Variants in TRIO observed in about 807,000 individuals in gnomAD.
TRIO encodes trio Rho guanine nucleotide exchange factor.
In TRIO, 58 loss-of-function variants were observed where a neutral mutation model predicts 351.9. The ratio of observed to expected loss-of-function variants is 0.16; its 90% CI spans 0.13 to 0.21. The LOEUF is 0.21. TRIO is among the 10% of genes least tolerant of loss of function. TRIO has a pLI of 1.00. For synonymous variants in TRIO, 1,758 were observed against 1,595.7 expected (o/e 1.10, Z -2.42); for missense variants, 3,201 against 4,027.8 (o/e 0.79, Z 5.56).
intron 8 of TRIO, among the ~76,000 whole-genome samples, chr5:14,305,442 C>G (rs1042957320): frequency 6.6e-6 from 1 of 152,188 alleles, no homozygotes; most frequent in African/African-American, 2.4e-5. Context: ...TGTGTCCTTA[C>G]TTTTCTGCAA....
chr5:14,157,302 G>T (rs1788155295), intron 1 of TRIO, among the ~76,000 whole-genome samples: 1 of 152,156 alleles, frequency 6.6e-6, no homozygotes, highest in Non-Finnish European at 1.5e-5. Flanking sequence ...TTTATGTGCA[G>T]TCAGTCCCAG....
chr5:14,323,552 G>C (rs1247647223), intron 9 of TRIO, among the ~76,000 whole-genome samples: 1 of 152,294 alleles, frequency 6.6e-6, no homozygotes, highest in Admixed American at 6.5e-5. Flanking sequence ...CTTTAGGAGG[G>C]AATCAATGGA....
rs114443980 is a variant in TRIO, at chr5:14,464,143, G to A, written c.5667+1218G>A. Among the ~76,000 whole-genome samples, 272 of 152,268 alleles carry A rather than the reference G, an allele frequency of 1.8e-3. 2 individuals carry two copies. The highest frequency in any genetic ancestry group is 6.3e-3 in the African/African-American group (262 of 41,562). On this transcript the variant is annotated intron_variant, in intron 36 of 56. Coordinates refer to ENST00000344204, the MANE Select transcript of TRIO (RefSeq NM_007118.4). ...AGCCCCCTACCCCACCCAGTACACAGGCTACCTGGCTAGGACATGGGGCTG... is the reference window on the plus strand; with the variant it reads ...AGCCCCCTACCCCACCCAGTACACAAGCTACCTGGCTAGGACATGGGGCTG...
chr5:14,458,900 A>C (rs569467662), intron 34 of TRIO, among the ~76,000 whole-genome samples: 1 of 152,374 alleles, frequency 6.6e-6, no homozygotes, highest in South Asian at 2.1e-4. Context: ...CACCGAAGGA[A>C]AGTGAGACTG....
intron 8 of TRIO, among the ~76,000 whole-genome samples, chr5:14,308,756 TCCAATTAC>T (rs1355860348): frequency 1.6e-4 from 19 of 119,272 alleles, no homozygotes; most frequent in Admixed American, 1.3e-3. Context: ...CATCCATCCA[TCCAATTAC>T]CCATCCATTC....
Position 14,502,668 on chromosome 5 carries a change from C to T in TRIO, c.8411+11C>T, listed in dbSNP as rs752676238. The T allele has an allele frequency of 6.2e-7, 1 of 1,614,020 alleles. No homozygotes were observed. Among genetic ancestry groups the T allele is most frequent in the East Asian group, 2.2e-5 (1 of 44,874 alleles). On this transcript the variant is annotated intron_variant, in intron 54 of 56. Coordinates refer to ENST00000344204, the MANE Select transcript of TRIO (RefSeq NM_007118.4). Reference sequence around the variant, plus strand: ...GGCTGAGCTTGGCAGGTATGATGCACAACCCAGAACGCCTTCCGAAAGAGC... The same window carrying T: ...GGCTGAGCTTGGCAGGTATGATGCATAACCCAGAACGCCTTCCGAAAGAGC...
At chr5:14,384,309 A>G (rs925565138) in intron 21 of TRIO, among the ~76,000 whole-genome samples, 12 of 152,232 alleles carry the variant, frequency 7.9e-5, no homozygotes. Context: ...ACTTTGTTAG[A>G]AAGTGTCTAA....
intron 54 of TRIO, among the ~76,000 whole-genome samples, chr5:14,504,131 G>A (rs1328181352): frequency 6.6e-6 from 1 of 152,240 alleles, no homozygotes; most frequent in Non-Finnish European, 1.5e-5. Flanking sequence ...TCCACCACAC[G>A]CAGTGCTGGG....
chr5:14,219,237 ATTT>A (rs144007605), intron 1 of TRIO, among the ~76,000 whole-genome samples: 38 of 151,218 alleles, frequency 2.5e-4, no homozygotes, highest in African/African-American at 7.3e-4. Flanking sequence ...TTTTTCTATA[ATTT>A]TTTTTTTTTG....
intron 1 of TRIO, among the ~76,000 whole-genome samples, chr5:14,169,745 A>C (rs1337093378): frequency 6.6e-6 from 1 of 152,236 alleles, no homozygotes; most frequent in Non-Finnish European, 1.5e-5. Context: ...TCACCCACTG[A>C]TGGATTCAAA....
chr5:14,447,207 G>C (rs1752502739), intron 34 of TRIO, among the ~76,000 whole-genome samples: 1 of 152,186 alleles, frequency 6.6e-6, no homozygotes, highest in South Asian at 2.1e-4. Context: ...ACTCCAGCCT[G>C]GGTGACACAG....
intron 1 of TRIO, among the ~76,000 whole-genome samples, chr5:14,250,852 A>G (rs968869448): frequency 2.0e-5 from 3 of 152,256 alleles, no homozygotes; most frequent in African/African-American, 7.2e-5. Flanking sequence ...TGAATTAAAC[A>G]CTTTACACGC....
chr5:14,243,552 G>T (rs1486372450), intron 1 of TRIO, among the ~76,000 whole-genome samples: 1 of 151,876 alleles, frequency 6.6e-6, no homozygotes, highest in African/African-American at 2.4e-5. Flanking sequence ...TCAAATAGAG[G>T]TCATAATGAC....
chr5:14,491,537 C>T (rs893248386), intron 48 of TRIO, among the ~76,000 whole-genome samples: 4 of 152,232 alleles, frequency 2.6e-5, no homozygotes, highest in African/African-American at 9.6e-5. Flanking sequence ...TGCATTTCTT[C>T]TCCACCCAGA....
chr5:14,324,121 C>T (rs915386191), intron 9 of TRIO, among the ~76,000 whole-genome samples: 1 of 152,076 alleles, frequency 6.6e-6, no homozygotes, highest in Admixed American at 6.6e-5. Flanking sequence ...GACTGAGTAA[C>T]TAAAATAAAT....
chr5:14,391,236 G>A (rs1413010832), intron 27 of TRIO, among the ~76,000 whole-genome samples: 1 of 152,102 alleles, frequency 6.6e-6, no homozygotes, highest in Non-Finnish European at 1.5e-5. Flanking sequence ...ATAGATGTAT[G>A]TTTGTGTGTG....
intron 5 of TRIO, among the ~76,000 whole-genome samples, chr5:14,292,097 T>A (rs1463246619): frequency 1.3e-5 from 2 of 152,254 alleles, no homozygotes; most frequent in Non-Finnish European, 2.9e-5. Context: ...AATTAATCAT[T>A]GAGTTTTATT....
At chr5:14,507,383 T>C in intron 56 of TRIO, 123 bp downstream of exon 56, 1 of 1,405,132 alleles carries the variant, frequency 7.1e-7, no homozygotes, top group Non-Finnish European at 9.6e-7. Flanking sequence ...AAAGGGTGGG[T>C]GGGGCAGCGC....
At chr5:14,387,231 G>A (rs570157501) in intron 21 of TRIO, 3 of 489,372 alleles carry the variant, frequency 6.1e-6, no homozygotes, top group African/African-American at 1.9e-5. Flanking sequence ...TCATAAAAAT[G>A]CCATTCGTTG....
Sources: allele counts gnomAD v4.1 joint callset (sites outside exome capture counted in the v4.1 genomes callset), GRCh38; gene constraint gnomAD v4.1.1; transcripts MANE v1.5; gene names NCBI Gene and HGNC (gene_info 2026-07-23, HGNC 2026-07-21).